CACNG3: variants seen among roughly 807,000 people sequenced by gnomAD.
The protein encoded by CACNG3 is calcium voltage-gated channel auxiliary subunit gamma 3.
In CACNG3, 3 loss-of-function variants were observed where a neutral mutation model predicts 28.5. That is an observed-to-expected ratio of 0.11 (90% CI 0.05 to 0.27). The LOEUF (loss-of-function observed/expected upper bound fraction) is 0.27, where lower values mean the gene tolerates loss of function less well. Among genes scored for constraint, CACNG3 ranks in the 10% least tolerant of loss-of-function variants. CACNG3 has a pLI of 1.00. For missense variants in CACNG3, 236 were observed against 414.4 expected (o/e 0.57, Z 3.74); for synonymous variants, 174 against 162.2 (o/e 1.07, Z -0.55).
intron 2 of CACNG3, among the ~76,000 whole-genome samples, chr16:24,352,991 T>G (rs1303034551): frequency 6.6e-6 from 1 of 152,124 alleles, no homozygotes; most frequent in Admixed American, 6.5e-5. Context: ...TTTGTTTGTT[T>G]TGAAACAGAG....
chr16:24,277,213 C>G (rs933816358), intron 1 of CACNG3, among the ~76,000 whole-genome samples: 2 of 152,168 alleles, frequency 1.3e-5, no homozygotes, highest in Non-Finnish European at 2.9e-5. Context: ...GGAACTGACT[C>G]CAGCCTAGCA....
At chr16:24,318,648 A>T (rs1191441064) in intron 1 of CACNG3, among the ~76,000 whole-genome samples, 2 of 152,108 alleles carry the variant, frequency 1.3e-5, no homozygotes, top group Admixed American at 6.5e-5. Flanking sequence ...AAGGATAATA[A>T]ATGTCCTTGT....
At chr16:24,318,999 A>G (rs935898182) in intron 1 of CACNG3, among the ~76,000 whole-genome samples, 2 of 152,240 alleles carry the variant, frequency 1.3e-5, no homozygotes, top group Non-Finnish European at 2.9e-5. Context: ...CTGGAATTTA[A>G]TAAAATCATT....
At chr16:24,308,508 A>G (rs976893099) in intron 1 of CACNG3, among the ~76,000 whole-genome samples, 4 of 152,164 alleles carry the variant, frequency 2.6e-5, no homozygotes, top group African/African-American at 9.7e-5. Flanking sequence ...ACCTGCTTCT[A>G]TATTCCTAAA....
At chr16:24,309,195 A>G (rs978513809) in intron 1 of CACNG3, among the ~76,000 whole-genome samples, 2 of 152,264 alleles carry the variant, frequency 1.3e-5, no homozygotes, top group Non-Finnish European at 2.9e-5. Context: ...ATAAGTATGC[A>G]GAGTAGAAAA....
intron 1 of CACNG3, among the ~76,000 whole-genome samples, chr16:24,279,635 T>A (rs531178722): frequency 6.6e-6 from 1 of 152,164 alleles, no homozygotes; most frequent in East Asian, 1.9e-4. Flanking sequence ...TTAAGAGACA[T>A]TAATGCAATA....
chr16:24,260,024 C>G (rs1898517957), intron 1 of CACNG3, among the ~76,000 whole-genome samples: 1 of 152,210 alleles, frequency 6.6e-6, no homozygotes, highest in Non-Finnish European at 1.5e-5. Context: ...GGTATTTGCA[C>G]TGGTATTGAC....
At chr16:24,269,613 G>T (rs985943799) in intron 1 of CACNG3, among the ~76,000 whole-genome samples, 3 of 151,946 alleles carry the variant, frequency 2.0e-5, no homozygotes, top group Non-Finnish European at 4.4e-5. Flanking sequence ...CCAGTGTGGT[G>T]GTGGGCACCT....
chr16:24,316,176 C>T (rs1196216197), intron 1 of CACNG3, among the ~76,000 whole-genome samples: 2 of 149,998 alleles, frequency 1.3e-5, no homozygotes, highest in East Asian at 2.0e-4. Flanking sequence ...ATCACTTTAA[C>T]ATCCCTGCTT....
chr16:24,317,669 AAAG>A (rs1899395147), intron 1 of CACNG3, among the ~76,000 whole-genome samples: 1 of 99,626 alleles, frequency 1.0e-5, no homozygotes, highest in East Asian at 3.0e-4. Context: ...AGAAAGAAAG[AAAG>A]AAAGAAAGAA....
chr16:24,257,476 A>G (rs1567427654), intron 1 of CACNG3, among the ~76,000 whole-genome samples: 1 of 151,430 alleles, frequency 6.6e-6, no homozygotes, highest in Non-Finnish European at 1.5e-5. Flanking sequence ...ATTTCTCAAC[A>G]TAGACTTATC....
chr16:24,289,925 G>A (rs1898944039), intron 1 of CACNG3, among the ~76,000 whole-genome samples: 1 of 152,250 alleles, frequency 6.6e-6, no homozygotes, highest in Admixed American at 6.5e-5. Flanking sequence ...TTACTTATTA[G>A]CAGAGAAAGC....
rs376566755 is a variant in CACNG3, at chr16:24,354,948, C to T, written c.411C>T (p.Ser137=). The change falls in exon 3 of 4, where the codon AGC becomes AGT. Residue 137 remains serine, a synonymous_variant. Coordinates refer to ENST00000005284, the MANE Select transcript of CACNG3 (RefSeq NM_006539.4). The part of the protein sequence containing the change: ...FHRSRHNVIL[S]AGIFFVSAGL... The stretch of plus-strand genomic sequence containing the variant: ...GCAGCAGACACAACGTCATTCTCAG[C>T]GCGGGCATCTTTTTTGTCTCTGCAG... 38 of 1,612,654 alleles carry T rather than the reference C, an allele frequency of 2.4e-5. 1 individual carries two copies. The Admixed American group carries it at 3.5e-4, about 15-fold the overall frequency.
intron 1 of CACNG3, among the ~76,000 whole-genome samples, chr16:24,262,362 G>T (rs1277514522): frequency 6.6e-6 from 1 of 152,230 alleles, no homozygotes; most frequent in African/African-American, 2.4e-5. Context: ...GCGTTTGAGG[G>T]TTGAGTCAGG....
Position 24,330,513 on chromosome 16 carries a change from C to T in CACNG3, c.212-16221C>T, listed in dbSNP as rs1219308781. On this transcript the variant is annotated intron_variant, in intron 1 of 3. Transcript: ENST00000005284. ...CCTCCTGAGGTCACAGCACTGCTCTCAGCCTCTGCTATGCATCAGAATCTT... is the reference window on the plus strand; with the variant it reads ...CCTCCTGAGGTCACAGCACTGCTCTTAGCCTCTGCTATGCATCAGAATCTT... Among the ~76,000 whole-genome samples, 3 of 152,234 alleles carry T rather than the reference C, an allele frequency of 2.0e-5. 1 individual carries two copies. Among genetic ancestry groups the T allele is most frequent in the Admixed American group, 1.3e-4 (2 of 15,288 alleles).
chr16:24,349,008 C>T (rs1298346932), intron 2 of CACNG3, among the ~76,000 whole-genome samples: 1 of 152,202 alleles, frequency 6.6e-6, no homozygotes, highest in Admixed American at 6.5e-5. Context: ...TCACCAATAG[C>T]AGCAGAATTG....
intron 1 of CACNG3, among the ~76,000 whole-genome samples, chr16:24,298,080 T>C (rs1001208982): frequency 2.6e-5 from 4 of 151,940 alleles, no homozygotes; most frequent in African/African-American, 7.2e-5. Context: ...ATTTAGAAAA[T>C]TAAAATTCGT....
intron 1 of CACNG3, among the ~76,000 whole-genome samples, chr16:24,272,509 TA>T (rs1384873848): frequency 6.6e-6 from 1 of 152,132 alleles, no homozygotes; most frequent in Non-Finnish European, 1.5e-5. Context: ...TCATGCACAT[TA>T]TTTTATAATA....
At chr16:24,301,206 G>GAA (rs745765634) in intron 1 of CACNG3, among the ~76,000 whole-genome samples, 17 of 98,332 alleles carry the variant, frequency 1.7e-4, no homozygotes, top group Middle Eastern at 6.2e-3. Context: ...GTGAGACTCT[G>GAA]AAAAAAAAAA....
Sources: gnomAD v4.1 joint callset for allele counts (sites outside exome capture counted in the v4.1 genomes callset) on GRCh38, gnomAD v4.1.1 for gene constraint, MANE v1.5 for transcripts, NCBI Gene and HGNC (gene_info 2026-07-23, HGNC 2026-07-21) for gene names.